The following MAPK8 variants were observed in gnomAD, a reference collection of about 807,000 sequenced individuals.
MAPK8 encodes the protein mitogen-activated protein kinase 8.
Under a neutral mutation model 52.9 loss-of-function variants are expected in MAPK8, and 13 were observed. The observed-to-expected ratio is 0.25, with a 90% CI of 0.16 to 0.39. MAPK8 has a LOEUF of 0.39. Ranked by LOEUF, MAPK8 falls within the 10% of genes least tolerant of loss-of-function variation. The pLI is 1.00. For synonymous variants in MAPK8, 191 were observed against 169.8 expected (o/e 1.12, Z -0.97); for missense variants, 300 against 519.2 (o/e 0.58, Z 4.10).
At chr10:48,341,115 TATTA>T (rs1314152903) in intron 1 of MAPK8, among the ~76,000 whole-genome samples, 2 of 152,242 alleles carry the variant, frequency 1.3e-5, no homozygotes, top group African/African-American at 2.4e-5. Context: ...GCAGAAGTTA[TATTA>T]ATTTTTATTT....
chr10:48,400,234 C>T (rs1047022703), intron 1 of MAPK8, among the ~76,000 whole-genome samples: 3 of 152,204 alleles, frequency 2.0e-5, no homozygotes, highest in African/African-American at 7.2e-5. Flanking sequence ...ACAGTCTTCC[C>T]TGGAGCACTA....
At chr10:48,333,634 C>A (rs189190653) in intron 1 of MAPK8, among the ~76,000 whole-genome samples, 294 of 147,610 alleles carry the variant, frequency 2.0e-3, no homozygotes, top group African/African-American at 6.9e-3. Flanking sequence ...TGATCAGGTT[C>A]CTCTTCTAAT....
chr10:48,341,664 C>G (rs1845278432), intron 1 of MAPK8, among the ~76,000 whole-genome samples: 1 of 152,170 alleles, frequency 6.6e-6, no homozygotes, highest in South Asian at 2.1e-4. Context: ...CATTACCTAT[C>G]TTCTTGGAGT....
chr10:48,436,932 TATTA>T lies in MAPK8; in HGVS notation c.*1907_*1910del, dbSNP rs905511801. ...AGAAATTTGAGAATGAGTGTGTTTA[TATTA>T]ATTTCACAATTAGCTGTATTTTCTG... is the stretch of plus-strand genomic sequence containing the variant. On this transcript the variant is annotated 3_prime_UTR_variant, in exon 12 of 12. Coordinates refer to ENST00000374189, the MANE Select transcript of MAPK8 (RefSeq NM_001323329.2). The T allele has an allele frequency of 2.0e-5, 3 of 152,264 alleles. No individual in the cohort carries two copies. The highest frequency in any genetic ancestry group is 7.2e-5 in the African/African-American group (3 of 41,478). 9.4% of individuals were successfully genotyped at this position (152,264 alleles called of 1,614,324 possible).
chr10:48,412,506 TCTC>T (rs1414425569), intron 5 of MAPK8, among the ~76,000 whole-genome samples: 1 of 152,238 alleles, frequency 6.6e-6, no homozygotes, highest in Admixed American at 6.5e-5. Flanking sequence ...TTCTCTTTCT[TCTC>T]CTTTTGGAAC....
intron 3 of MAPK8, among the ~76,000 whole-genome samples, chr10:48,408,670 G>A (rs2042590855): frequency 6.6e-6 from 1 of 152,140 alleles, no homozygotes; most frequent in Non-Finnish European, 1.5e-5. Flanking sequence ...CCATATTATA[G>A]GCAGTAAATG....
chr10:48,371,688 G>T (rs535728787), intron 1 of MAPK8, among the ~76,000 whole-genome samples: 1 of 152,072 alleles, frequency 6.6e-6, no homozygotes, highest in Admixed American at 6.6e-5. Flanking sequence ...ATTGTCTTCC[G>T]GAAAACAGCA....
intron 1 of MAPK8, among the ~76,000 whole-genome samples, chr10:48,348,235 G>A (rs1244550147): frequency 6.6e-6 from 1 of 152,034 alleles, no homozygotes; most frequent in Non-Finnish European, 1.5e-5. Flanking sequence ...TTTTTGATGG[G>A]GTTGTTTTTT....
intron 1 of MAPK8, among the ~76,000 whole-genome samples, chr10:48,315,153 T>C (rs1842371047): frequency 6.6e-6 from 1 of 152,256 alleles, no homozygotes; most frequent in Non-Finnish European, 1.5e-5. Flanking sequence ...TTCTGGCTTC[T>C]ATCTTGTTTA....
At chr10:48,368,039 G>C (rs1479628784) in intron 1 of MAPK8, among the ~76,000 whole-genome samples, 1 of 152,182 alleles carries the variant, frequency 6.6e-6, no homozygotes, top group Non-Finnish European at 1.5e-5. Context: ...AGAGAGAGTA[G>C]TTAAGAAATC....
intron 1 of MAPK8, among the ~76,000 whole-genome samples, chr10:48,333,904 G>A (rs937983759): frequency 1.3e-5 from 2 of 149,500 alleles, no homozygotes; most frequent in Non-Finnish European, 3.0e-5. Flanking sequence ...TCCCAAATCT[G>A]GTTGTGCAGG....
At chr10:48,355,133 C>G (rs999018839) in intron 1 of MAPK8, among the ~76,000 whole-genome samples, 16 of 152,116 alleles carry the variant, frequency 1.1e-4, no homozygotes, top group African/African-American at 3.6e-4. Flanking sequence ...GATTCAGAAA[C>G]TATAAAGACT....
At position 48,388,454 on chromosome 10, in the gene MAPK8, AAG is replaced by A. The variant is rs1016569955; in HGVS notation, c.-49-13153_-49-13152del. 2.9e-4 allele frequency among the ~76,000 whole-genome samples: 44 copies of A among 152,302 alleles called. 1 individual carries two copies. The highest frequency in any genetic ancestry group is 1.0e-3 in the African/African-American group (42 of 41,566). ...AAGTCCTTCATTCAACTAAAGTAGA[AAG>A]AGAGGGAAGTAGTATGCCCCTCTAG... On this transcript the variant is annotated intron_variant, in intron 1 of 11. Coordinates refer to ENST00000374189, the MANE Select transcript of MAPK8 (RefSeq NM_001323329.2).
At chr10:48,320,316 C>T (rs999315302) in intron 1 of MAPK8, among the ~76,000 whole-genome samples, 1 of 142,938 alleles carries the variant, frequency 7.0e-6, no homozygotes, top group African/African-American at 2.6e-5. Flanking sequence ...TGGCTCACTA[C>T]AGGCTGAAAC....
chr10:48,314,185 C>G (rs1286241677), intron 1 of MAPK8, among the ~76,000 whole-genome samples: 1 of 152,094 alleles, frequency 6.6e-6, no homozygotes, highest in East Asian at 1.9e-4. Flanking sequence ...ATTTGGTTCC[C>G]TGGTGAGGGT....
At chr10:48,388,933 G>A (rs1405962310) in intron 1 of MAPK8, among the ~76,000 whole-genome samples, 4 of 152,056 alleles carry the variant, frequency 2.6e-5, no homozygotes, top group African/African-American at 7.2e-5. Flanking sequence ...GAAGAAAAGT[G>A]TATGTCCGGA....
intron 5 of MAPK8, among the ~76,000 whole-genome samples, chr10:48,411,736 A>G (rs1017277938): frequency 5.9e-5 from 9 of 152,154 alleles, no homozygotes; most frequent in African/African-American, 1.2e-4. Flanking sequence ...TAGTCTTCCA[A>G]TTCACAAACA....
Position 48,435,051 on chromosome 10 carries a change from G to A in MAPK8, c.*22G>A. On this transcript the variant is annotated 3_prime_UTR_variant, in exon 12 of 12. Transcript: ENST00000374189. The stretch of plus-strand genomic sequence containing the variant: ...ATGACTACTTGGGCCATCGGGGGGT[G>A]GGAGGGATGGGGAGTCGGTTAGTCA... 4 of 1,430,672 alleles carry A rather than the reference G, an allele frequency of 2.8e-6. No individual in the cohort carries two copies. Among genetic ancestry groups the A allele is most frequent in the Non-Finnish European group, 3.8e-6 (4 of 1,051,730 alleles). The allele number at this position is 1,430,672 out of a possible 1,614,324, so 88.6% of individuals were successfully genotyped here.
chr10:48,364,121 A>G (rs1410662807), intron 1 of MAPK8, among the ~76,000 whole-genome samples: 4 of 152,044 alleles, frequency 2.6e-5, no homozygotes, highest in East Asian at 3.8e-4. Context: ...ACACGGGGCT[A>G]TTTGCTTCAG....
Sources: gnomAD v4.1 joint callset for allele counts (sites outside exome capture counted in the v4.1 genomes callset) on GRCh38, gnomAD v4.1.1 for gene constraint, MANE v1.5 for transcripts, NCBI Gene and HGNC (gene_info 2026-07-23, HGNC 2026-07-21) for gene names.